Variants in HCN1 observed in about 807,000 individuals in gnomAD.
The protein encoded by HCN1 is hyperpolarization activated cyclic nucleotide gated potassium channel 1.
HCN1 carries 13 observed loss-of-function variants against 78.9 expected under a neutral mutation model. The observed-to-expected ratio is 0.16, with a 90% CI of 0.11 to 0.26. The LOEUF is 0.26. Among genes scored for constraint, HCN1 ranks in the 10% least tolerant of loss-of-function variants. HCN1 has a pLI of 1.00. For synonymous variants in HCN1, 552 were observed against 455.5 expected, an observed-to-expected ratio of 1.21 and a Z score of -2.70; for missense variants, 810 against 1,154.3, an observed-to-expected ratio of 0.70 and a Z score of 4.32.
intron 3 of HCN1, among the ~76,000 whole-genome samples, chr5:45,455,914 T>G (rs1039576692): frequency 6.6e-6 from 1 of 151,860 alleles, no homozygotes; most frequent in African/African-American, 2.4e-5. Flanking sequence ...CTAGAAAATA[T>G]GGAAAGCACG....
chr5:45,372,390 T>A lies in HCN1; in HGVS notation c.1231-19144A>T, dbSNP rs1199520386. On this transcript the variant is annotated intron_variant, in intron 4 of 7. Transcript: ENST00000303230. ...AAAACATATATATTATATAAATATG[T>A]AAATTATATAAAATATAATTATATA... is the stretch of plus-strand genomic sequence containing the variant. 5.8e-4 allele frequency among the ~76,000 whole-genome samples: 68 copies of A among 116,322 alleles called. No homozygotes were observed. In the East Asian group the frequency reaches 0.011, roughly 19 times the overall value. 76.3% of individuals were successfully genotyped at this position (116,322 alleles called of 152,430 possible). A position where few individuals can be genotyped will look rare whatever the true frequency, so the allele number is the denominator to read the frequency against.
chr5:45,356,450 A>G (rs1319677522), intron 4 of HCN1, among the ~76,000 whole-genome samples: 1 of 152,010 alleles, frequency 6.6e-6, no homozygotes. Flanking sequence ...AAAACACGGC[A>G]AGGATCCAGT....
rs943764427 is a variant in HCN1, at chr5:45,315,263, T to C, written c.1378-11424A>G. On this transcript the variant is annotated intron_variant, in intron 5 of 7. Transcript: ENST00000303230. Reference sequence around the variant, plus strand: ...CTAGAACTCAGGATTAAGAAACTCATTCAAAACCGCTCAACTACATGGAAA... The same window carrying C: ...CTAGAACTCAGGATTAAGAAACTCACTCAAAACCGCTCAACTACATGGAAA... Among the ~76,000 whole-genome samples, 3 of 152,176 alleles carry C rather than the reference T, an allele frequency of 2.0e-5. No individual in the cohort carries two copies. The South Asian group carries it at 6.2e-4, about 32-fold the overall frequency.
chr5:45,345,351 A>T (rs1337271670), intron 5 of HCN1, among the ~76,000 whole-genome samples: 1 of 152,162 alleles, frequency 6.6e-6, no homozygotes, highest in African/African-American at 2.4e-5. Context: ...TTTCTCCATT[A>T]TCCTGGTGAT....
chr5:45,354,627 G>A (rs1196781575), intron 4 of HCN1, among the ~76,000 whole-genome samples: 3 of 151,798 alleles, frequency 2.0e-5, no homozygotes, highest in African/African-American at 7.3e-5. Context: ...CTTTCATTTT[G>A]CAAAAAAATT....
At chr5:45,479,124 T>TA (rs1160851737) in intron 2 of HCN1, among the ~76,000 whole-genome samples, 8,020 of 137,064 alleles carry the variant, frequency 0.059, 689 homozygotes, top group African/African-American at 0.19. Context: ...GAGACTGTTT[T>TA]AAAAAAAAAA....
At chr5:45,466,557 C>A (rs1741274420) in intron 2 of HCN1, among the ~76,000 whole-genome samples, 1 of 151,996 alleles carries the variant, frequency 6.6e-6, no homozygotes, top group South Asian at 2.1e-4. Context: ...TTCTGTTTCT[C>A]TTTATATTTC....
chr5:45,551,717 T>C (rs1465066718), intron 2 of HCN1, among the ~76,000 whole-genome samples: 1 of 151,974 alleles, frequency 6.6e-6, no homozygotes, highest in African/African-American at 2.4e-5. Context: ...TCTGGTGTTT[T>C]ATCTGTACAA....
chr5:45,271,576 A>C, intron 6 of HCN1, among the ~76,000 whole-genome samples: 1 of 152,108 alleles, frequency 6.6e-6, no homozygotes, highest in Non-Finnish European at 1.5e-5. Context: ...TTATGTCTCT[A>C]GAGTTTTATT....
chr5:45,375,260 A>G (rs1329849261), intron 4 of HCN1, among the ~76,000 whole-genome samples: 1 of 118,638 alleles, frequency 8.4e-6, no homozygotes, highest in African/African-American at 3.4e-5. Context: ...ATAATATAAT[A>G]TTTTATAATA....
At chr5:45,600,975 C>T (rs1744609378) in intron 2 of HCN1, among the ~76,000 whole-genome samples, 1 of 152,104 alleles carries the variant, frequency 6.6e-6, no homozygotes, top group African/African-American at 2.4e-5. Context: ...AATCACTTTA[C>T]TTCTCTCCTA....
At chr5:45,582,311 G>A (rs867079625) in intron 2 of HCN1, among the ~76,000 whole-genome samples, 1 of 151,902 alleles carries the variant, frequency 6.6e-6, no homozygotes. Flanking sequence ...TCATGATTTG[G>A]CTCTCTGTTT....
intron 2 of HCN1, among the ~76,000 whole-genome samples, chr5:45,560,293 T>G (rs965380918): frequency 6.6e-6 from 1 of 152,132 alleles, no homozygotes; most frequent in East Asian, 1.9e-4. Context: ...CTTAGTCATA[T>G]ACTGAAATTT....
chr5:45,393,816 C>A (rs1304227510), intron 4 of HCN1, among the ~76,000 whole-genome samples: 2 of 152,122 alleles, frequency 1.3e-5, no homozygotes, highest in East Asian at 3.9e-4. Flanking sequence ...CATTGAACTG[C>A]AAATCTGAGA....
chr5:45,536,959 C>T (rs1408687870), intron 2 of HCN1, among the ~76,000 whole-genome samples: 4 of 152,188 alleles, frequency 2.6e-5, no homozygotes, highest in African/African-American at 9.7e-5. Flanking sequence ...CACAATTTCT[C>T]AACCAGCATG....
chr5:45,572,801 C>G (rs1176357376), intron 2 of HCN1, among the ~76,000 whole-genome samples: 1 of 152,036 alleles, frequency 6.6e-6, no homozygotes, highest in Admixed American at 6.6e-5. Context: ...AAGCCCTTCC[C>G]TTAATGGAGG....
intron 2 of HCN1, among the ~76,000 whole-genome samples, chr5:45,465,735 A>G (rs1741257350): frequency 6.6e-6 from 1 of 152,124 alleles, no homozygotes; most frequent in South Asian, 2.1e-4. Context: ...AGCCTGAGTG[A>G]CAAAGTGAGA....
intron 6 of HCN1, among the ~76,000 whole-genome samples, chr5:45,293,021 G>T (rs1001984407): frequency 2.6e-5 from 4 of 152,004 alleles, no homozygotes; most frequent in African/African-American, 7.2e-5. Flanking sequence ...GAGAAAATCA[G>T]TTTACCTAAC....
rs1744652955 is a variant in HCN1, at chr5:45,257,969, T to G, written c.*3952A>C. 6.6e-6 allele frequency: 1 copy of G among 152,034 alleles called. No homozygotes were observed. Among genetic ancestry groups the G allele is most frequent in the South Asian group, 2.1e-4 (1 of 4,832 alleles). The allele number at this position is 152,034 out of a possible 1,614,324, so 9.4% of individuals were successfully genotyped here. A position where few individuals can be genotyped will look rare whatever the true frequency, so the allele number is the denominator to read the frequency against. Reference sequence around the variant, plus strand: ...GGTACAGTATGAGTACTTTTTAAAGTAGGTGAACATAAAATAAAAGTTTGC... The same window carrying G: ...GGTACAGTATGAGTACTTTTTAAAGGAGGTGAACATAAAATAAAAGTTTGC... On this transcript the variant is annotated 3_prime_UTR_variant, in exon 8 of 8. Coordinates refer to ENST00000303230, the MANE Select transcript of HCN1 (RefSeq NM_021072.4).
Sources: gnomAD v4.1 joint callset for allele counts (sites outside exome capture counted in the v4.1 genomes callset) on GRCh38, gnomAD v4.1.1 for gene constraint, MANE v1.5 for transcripts, NCBI Gene and HGNC (gene_info 2026-07-23, HGNC 2026-07-21) for gene names.